The following ANKS1B variants were observed in gnomAD, a reference collection of about 807,000 sequenced individuals.
The protein encoded by ANKS1B is ankyrin repeat and sterile alpha motif domain-containing protein 1B.
A neutral mutation model predicts 148.3 loss-of-function variants in ANKS1B; 36 were observed. That is an observed-to-expected ratio of 0.24 (90% CI 0.19 to 0.32). ANKS1B has a LOEUF of 0.32. ANKS1B is among the 10% of genes least tolerant of loss of function. The probability of loss-of-function intolerance (pLI) is 1.00; values close to 1 mark genes in which losing one functional copy is unlikely to be tolerated. For synonymous variants in ANKS1B, 542 were observed against 560.8 expected, an observed-to-expected ratio of 0.97 and a Z score of 0.47; for missense variants, 1,157 against 1,542.6, an observed-to-expected ratio of 0.75 and a Z score of 4.19.
At chr12:99,053,079 A>G in intron 17 of ANKS1B, 78 bp downstream of exon 17, 1 of 1,339,670 alleles carries the variant, frequency 7.5e-7, no homozygotes, top group South Asian at 1.7e-5. Context: ...TGGATGTCCA[A>G]ACACTTATAA....
At chr12:98,995,623 G>GA (rs148273180) in intron 17 of ANKS1B, among the ~76,000 whole-genome samples, 3,105 of 152,170 alleles carry the variant, frequency 0.02, 110 homozygotes, top group African/African-American at 0.071. Context: ...GGAGTAAGAG[G>GA]AAAAGATTTA....
rs567453578 is a variant in ANKS1B at position 99,174,341 on chromosome 12, C to T, written c.2420-19946G>A. Among the ~76,000 whole-genome samples the T allele has an allele frequency of 6.7e-4, 102 of 152,290 alleles. 1 individual carries two copies. The South Asian group carries it at 0.016, about 24-fold the overall frequency. ...TTTGTGAAAGGGCCTGAAGCAAGGACCCAGTTAAGCCATGTCTAGATTCCT... is the reference window on the plus strand; with the variant it reads ...TTTGTGAAAGGGCCTGAAGCAAGGATCCAGTTAAGCCATGTCTAGATTCCT... On this transcript the variant is annotated intron_variant, in intron 14 of 26. Transcript: ENST00000683438.
At chr12:99,192,880 A>C (rs2080918037) in intron 14 of ANKS1B, among the ~76,000 whole-genome samples, 1 of 152,094 alleles carries the variant, frequency 6.6e-6, no homozygotes, top group Admixed American at 6.6e-5. Flanking sequence ...TGAGTGCAAA[A>C]GTTTAAAAAG....
At chr12:99,466,555 GA>G (rs1290529646) in intron 10 of ANKS1B, among the ~76,000 whole-genome samples, 1 of 150,628 alleles carries the variant, frequency 6.6e-6, no homozygotes, top group East Asian at 1.9e-4. Context: ...GACTAATAAA[GA>G]AGAAAAGAGA....
In ANKS1B at chr12:99,535,195, T is replaced by C. The variant is rs2153102883; in HGVS notation, c.1273-30554A>G. Among the ~76,000 whole-genome samples the C allele has an allele frequency of 2.0e-5, 3 of 152,302 alleles. No homozygotes were observed. In the South Asian group the frequency reaches 6.2e-4, roughly 32 times the overall value. ...AGACAAAATAAGAATTAGTCACATATCTGCTTTTCCACTATTCTTGTTACC... is the reference window on the plus strand; with the variant it reads ...AGACAAAATAAGAATTAGTCACATACCTGCTTTTCCACTATTCTTGTTACC... On this transcript the variant is annotated intron_variant, in intron 9 of 26. Transcript: ENST00000683438.
chr12:99,405,948 T>C (rs1421989730), intron 11 of ANKS1B, among the ~76,000 whole-genome samples: 1 of 145,318 alleles, frequency 6.9e-6, no homozygotes, highest in Non-Finnish European at 1.5e-5. Flanking sequence ...AAAAAATCAT[T>C]ACATAATGAT....
chr12:99,771,416 G>A (rs2063181919), intron 8 of ANKS1B, among the ~76,000 whole-genome samples: 3 of 152,016 alleles, frequency 2.0e-5, no homozygotes, highest in Non-Finnish European at 2.9e-5. Flanking sequence ...ACAAGTAGAA[G>A]GCCAGAAGCT....
chr12:99,469,934 A>C (rs1025000504), intron 10 of ANKS1B, among the ~76,000 whole-genome samples: 1 of 151,938 alleles, frequency 6.6e-6, no homozygotes, highest in African/African-American at 2.4e-5. Context: ...AGCCTGGGCA[A>C]CATAGGAGAC....
At chr12:99,921,231 G>C (rs1284547144) in intron 1 of ANKS1B, among the ~76,000 whole-genome samples, 1 of 152,114 alleles carries the variant, frequency 6.6e-6, no homozygotes, top group Non-Finnish European at 1.5e-5. Flanking sequence ...CCCCCATGCT[G>C]TTCTCATGAT....
At chr12:99,763,083 G>A (rs896531728) in intron 8 of ANKS1B, among the ~76,000 whole-genome samples, 1 of 152,070 alleles carries the variant, frequency 6.6e-6, no homozygotes, top group Admixed American at 6.6e-5. Flanking sequence ...AAATAGTTTG[G>A]AGACTTCTCA....
rs59263668 is a variant in ANKS1B, at chr12:99,196,781, A to C, written c.2420-42386T>G. On this transcript the variant is annotated intron_variant, in intron 14 of 26. Transcript: ENST00000683438. ...TAAAGCTATCCCTCTCCCCTCCCCC[A>C]AGCTTTCTGTTTATTAGTGACCCAA... Among the ~76,000 whole-genome samples the C allele has an allele frequency of 4.4e-3, 667 of 151,964 alleles. 24 individuals carry two copies. In the East Asian group the frequency reaches 0.086, roughly 20 times the overall value.
At chr12:99,105,079 A>G (rs1445858357) in intron 15 of ANKS1B, 2 of 152,264 alleles carry the variant, frequency 1.3e-5, no homozygotes, top group South Asian at 2.1e-4. Flanking sequence ...ATAGCTGGAC[A>G]TAAAGTGCTA....
intron 15 of ANKS1B, among the ~76,000 whole-genome samples, chr12:99,086,949 A>G (rs950433135): frequency 6.6e-6 from 1 of 152,208 alleles, no homozygotes; most frequent in African/African-American, 2.4e-5. Context: ...CATGGAGACC[A>G]CTGTGGTTGT....
intron 25 of ANKS1B, among the ~76,000 whole-genome samples, chr12:98,764,654 C>T (rs77167866): frequency 0.063 from 9,528 of 152,286 alleles, 429 homozygotes; most frequent in Middle Eastern, 0.15. Context: ...GTCAGCACAG[C>T]AAATATAAAT....
intron 12 of ANKS1B, among the ~76,000 whole-genome samples, chr12:99,273,275 T>A (rs1453575790): frequency 6.6e-6 from 1 of 152,216 alleles, no homozygotes; most frequent in East Asian, 1.9e-4. Context: ...TCTCTTAATA[T>A]ATTGTACTTT....
At chr12:99,492,164 T>C (rs2096561558) in intron 10 of ANKS1B, among the ~76,000 whole-genome samples, 1 of 151,820 alleles carries the variant, frequency 6.6e-6, no homozygotes. Context: ...GTTAAACTAA[T>C]AAAGAAGAAA....
At chr12:99,910,727 T>C (rs1049391443) in intron 1 of ANKS1B, among the ~76,000 whole-genome samples, 1 of 152,150 alleles carries the variant, frequency 6.6e-6, no homozygotes, top group African/African-American at 2.4e-5. Flanking sequence ...ATAAAGCTGT[T>C]TAAAAACATG....
At chr12:99,210,318 A>G (rs1025941513) in intron 14 of ANKS1B, among the ~76,000 whole-genome samples, 3 of 152,192 alleles carry the variant, frequency 2.0e-5, no homozygotes, top group African/African-American at 4.8e-5. Flanking sequence ...CCAGATGCCA[A>G]AACAAGACTC....
At chr12:99,237,293 T>G (rs1016065968) in intron 14 of ANKS1B, among the ~76,000 whole-genome samples, 1 of 152,096 alleles carries the variant, frequency 6.6e-6, no homozygotes, top group Non-Finnish European at 1.5e-5. Context: ...TATACCCAGC[T>G]GTATAGGCCC....
Sources: allele counts gnomAD v4.1 joint callset (sites outside exome capture counted in the v4.1 genomes callset), GRCh38; gene constraint gnomAD v4.1.1; transcripts MANE v1.5; gene names NCBI Gene and HGNC (gene_info 2026-07-23, HGNC 2026-07-21).